The following SLC75A1 variants were observed in gnomAD, a reference collection of about 807,000 sequenced individuals.
SLC75A1 encodes the protein solute carrier family 75 member 1, also known as major facilitator superfamily domain containing 10.
At chr4:2,932,931 C>G in the SLC75A1 span, 1 of 1,067,910 alleles carries the variant, frequency 9.4e-7, no homozygotes, top group Non-Finnish European at 1.3e-6. Context: ...TCCTTGAAAG[C>G]CTGGCTCTGG....
the SLC75A1 span, chr4:2,930,795 TCCCACTCTGCCTGGTG>T: frequency 1.2e-6 from 2 of 1,603,180 alleles, no homozygotes; most frequent in South Asian, 2.2e-5. Context: ...TGACCTAGGC[TCCCACTCTGCCTGGTG>T]CCCACAGCCT....
At chr4:2,934,064 A>G in the SLC75A1 span, 1 of 939,858 alleles carries the variant, frequency 1.1e-6, no homozygotes, top group African/African-American at 1.6e-5. Context: ...GCTCTGGCCT[A>G]CGGACGCAGG....
At chr4:2,931,879 G>A in the SLC75A1 span, 10 of 1,611,166 alleles carry the variant, frequency 6.2e-6, no homozygotes, top group African/African-American at 8.0e-5. Context: ...CTCCAGGCCC[G>A]AGAACAGGAA....
the SLC75A1 span, chr4:2,934,101 C>A: frequency 1.9e-3 from 1,274 of 668,956 alleles, 6 homozygotes; most frequent in Admixed American, 3.7e-3. Flanking sequence ...GCGATGCCCC[C>A]GCCCCGAACC....
the SLC75A1 span, chr4:2,932,689 G>A: frequency 6.2e-7 from 1 of 1,608,710 alleles, no homozygotes; most frequent in Non-Finnish European, 8.5e-7. Context: ...CCCCCAATCA[G>A]CCTGGAGGCC....
At chr4:2,930,856 CT>C in the SLC75A1 span, 3 of 1,613,110 alleles carry the variant, frequency 1.9e-6, no homozygotes, top group Non-Finnish European at 2.5e-6. Context: ...CCTTGAGCGT[CT>C]GTGCCGGGTA....
At chr4:2,933,541 C>T in the SLC75A1 span, 7 of 1,611,976 alleles carry the variant, frequency 4.3e-6, no homozygotes, top group African/African-American at 1.3e-5. Context: ...GTAGAGAGCC[C>T]GCCAAGGGCA....
At chr4:2,932,646 G>A in the SLC75A1 span, 57 of 1,612,898 alleles carry the variant, frequency 3.5e-5, no homozygotes, top group Non-Finnish European at 4.7e-5. Context: ...AGCAACGATG[G>A]CCGTGGAGAG....
At chr4:2,932,659 T>C in the SLC75A1 span, 6 of 1,612,118 alleles carry the variant, frequency 3.7e-6, no homozygotes, top group Non-Finnish European at 5.1e-6. Context: ...GTGGAGAGGC[T>C]GACGTTCCCT....
the SLC75A1 span, chr4:2,934,379 C>A: frequency 5.0e-6 from 1 of 200,954 alleles, no homozygotes; most frequent in African/African-American, 2.4e-5. Flanking sequence ...GTCTCCCTGG[C>A]GGGGGCCATG....
At chr4:2,930,909 C>G in the SLC75A1 span, 1 of 1,613,064 alleles carries the variant, frequency 6.2e-7, no homozygotes. Context: ...AAAAAGAGCC[C>G]GGACCACGTG....
At chr4:2,931,485 C>A in the SLC75A1 span, 1 of 1,583,938 alleles carries the variant, frequency 6.3e-7, no homozygotes, top group South Asian at 1.1e-5. Flanking sequence ...GGCACGGCAG[C>A]CTCAGCACAG....
At chr4:2,933,100 A>G in the SLC75A1 span, 1 of 1,613,156 alleles carries the variant, frequency 6.2e-7, no homozygotes, top group East Asian at 2.2e-5. Flanking sequence ...AGGCCCAGGA[A>G]CATACCAGGC....
At chr4:2,932,642 G>A in the SLC75A1 span, 11 of 1,612,894 alleles carry the variant, frequency 6.8e-6, no homozygotes, top group South Asian at 1.1e-5. Context: ...GGTCAGCAAC[G>A]ATGGCCGTGG....
the SLC75A1 span, chr4:2,930,624 A>G: frequency 5.0e-6 from 3 of 596,372 alleles, no homozygotes; most frequent in East Asian, 8.6e-5. Flanking sequence ...TTTAAAAAAC[A>G]AACAGAAGCC....
the SLC75A1 span, chr4:2,932,630 C>T: frequency 1.2e-6 from 2 of 1,613,234 alleles, no homozygotes; most frequent in Admixed American, 3.3e-5. Flanking sequence ...GAGGCGAGCC[C>T]AGGTCAGCAA....
At chr4:2,934,594 C>G in the SLC75A1 span, 1 of 96,012 alleles carries the variant, frequency 1.0e-5, no homozygotes, top group African/African-American at 4.1e-5. Context: ...CGCCCCTGGT[C>G]CAGCCCCACA....
chr4:2,934,272 G>A, the SLC75A1 span: 2 of 293,348 alleles, frequency 6.8e-6, no homozygotes, highest in Non-Finnish European at 1.3e-5. Context: ...TTGAAGCCGC[G>A]GGGAACCCGG....
the SLC75A1 span, chr4:2,933,847 G>A: frequency 3.8e-6 from 6 of 1,588,836 alleles, no homozygotes; most frequent in African/African-American, 1.3e-5. Context: ...AAAGACAACG[G>A]TGACCACGCG....
Sources: gnomAD v4.1 joint callset for allele counts on GRCh38, gnomAD v4.1.1 for gene constraint, MANE v1.5 for transcripts, NCBI Gene and HGNC (gene_info 2026-07-23, HGNC 2026-07-21) for gene names.